Variants in KIAA1217 observed in about 807,000 individuals in gnomAD.
KIAA1217 encodes KIAA1217, also known as sickle tail protein homolog.
Under a neutral mutation model 163.9 loss-of-function variants are expected in KIAA1217, and 88 were observed. The ratio of observed to expected loss-of-function variants is 0.54; its 90% CI spans 0.45 to 0.64. The LOEUF is 0.64. Among genes scored for constraint, KIAA1217 ranks in the 30% least tolerant of loss-of-function variants. KIAA1217 has a pLI of 0.00. For missense variants in KIAA1217, 2,372 were observed against 2,475.0 expected (o/e 0.96, Z 0.88); for synonymous variants, 903 against 923.1 (o/e 0.98, Z 0.39).
intron 2 of KIAA1217, among the ~76,000 whole-genome samples, chr10:24,308,509 G>A (rs1024183128): frequency 6.6e-6 from 1 of 152,214 alleles, no homozygotes; most frequent in Non-Finnish European, 1.5e-5. Context: ...AACAAGGCAA[G>A]GTCCACTGAA....
At chr10:23,792,442 TA>T (rs1211472775) in intron 1 of KIAA1217, among the ~76,000 whole-genome samples, 1 of 152,072 alleles carries the variant, frequency 6.6e-6, no homozygotes, top group African/African-American at 2.4e-5. Context: ...TGAATGTCAT[TA>T]CTGTTAAAAT....
chr10:24,173,257 T>A (rs2131921160), intron 2 of KIAA1217, among the ~76,000 whole-genome samples: 1 of 152,282 alleles, frequency 6.6e-6, no homozygotes, highest in Non-Finnish European at 1.5e-5. Flanking sequence ...CACCGTCCCC[T>A]ATCACCCCCA....
chr10:23,743,961 G>T (rs575118532), intron 1 of KIAA1217, among the ~76,000 whole-genome samples: 9 of 152,252 alleles, frequency 5.9e-5, no homozygotes, highest in African/African-American at 1.9e-4. Flanking sequence ...TCCTGACAGG[G>T]ATCAGGAAAG....
chr10:24,040,125 C>A (rs1393694254), intron 2 of KIAA1217, among the ~76,000 whole-genome samples: 1 of 152,228 alleles, frequency 6.6e-6, no homozygotes, highest in African/African-American at 2.4e-5. Flanking sequence ...TTCCAGTCAG[C>A]TTCCCAGGCC....
intron 5 of KIAA1217, among the ~76,000 whole-genome samples, chr10:24,460,039 C>T (rs11014097): frequency 0.13 from 19,920 of 152,218 alleles, 1,602 homozygotes; most frequent in East Asian, 0.31. Flanking sequence ...CCTGCTGTGC[C>T]GACTGCGGAG....
At chr10:23,812,097 A>T (rs1015478576) in intron 1 of KIAA1217, among the ~76,000 whole-genome samples, 1 of 152,108 alleles carries the variant, frequency 6.6e-6, no homozygotes, top group African/African-American at 2.4e-5. Flanking sequence ...AACGAAAACA[A>T]ACAAAAAACC....
At chr10:24,189,519 G>C (rs887313587) in intron 2 of KIAA1217, among the ~76,000 whole-genome samples, 2 of 152,138 alleles carry the variant, frequency 1.3e-5, no homozygotes, top group African/African-American at 4.8e-5. Context: ...AGAGGAGAAA[G>C]AGTAATACCT....
chr10:24,133,577 A>C (rs1343460722), intron 2 of KIAA1217, among the ~76,000 whole-genome samples: 1 of 152,072 alleles, frequency 6.6e-6, no homozygotes, highest in East Asian at 1.9e-4. Context: ...GTCTCAAAAA[A>C]AAAAAAAAAA....
chr10:23,801,148 A>T (rs1049882506), intron 1 of KIAA1217, among the ~76,000 whole-genome samples: 1 of 152,190 alleles, frequency 6.6e-6, no homozygotes, highest in African/African-American at 2.4e-5. Context: ...TGCAGCCATA[A>T]AAAAGGATGA....
chr10:24,182,595 G>C (rs1054003323), intron 2 of KIAA1217, among the ~76,000 whole-genome samples: 2 of 152,126 alleles, frequency 1.3e-5, no homozygotes, highest in Non-Finnish European at 2.9e-5. Context: ...TTGGTCCTTT[G>C]GTTGGGGGTA....
intron 2 of KIAA1217, among the ~76,000 whole-genome samples, chr10:24,176,295 C>A (rs1168592958): frequency 6.6e-6 from 1 of 152,096 alleles, no homozygotes; most frequent in Non-Finnish European, 1.5e-5. Context: ...TTCAGCTAGA[C>A]ACAGAGTGCT....
intron 2 of KIAA1217, among the ~76,000 whole-genome samples, chr10:24,240,293 G>A (rs954771520): frequency 6.6e-6 from 1 of 152,192 alleles, no homozygotes; most frequent in South Asian, 2.1e-4. Flanking sequence ...GTGCATGGCA[G>A]CGTGTGAGGT....
At chr10:24,232,508 G>C (rs755888157) in intron 2 of KIAA1217, among the ~76,000 whole-genome samples, 1 of 152,118 alleles carries the variant, frequency 6.6e-6, no homozygotes, top group African/African-American at 2.4e-5. Context: ...GGGAAGTATG[G>C]AAAGGCAAGA....
chr10:24,331,599 C>G (rs1356766417), intron 2 of KIAA1217, among the ~76,000 whole-genome samples: 1 of 152,098 alleles, frequency 6.6e-6, no homozygotes, highest in Non-Finnish European at 1.5e-5. Context: ...AGCTGGGTGG[C>G]CAATAAGAAT....
intron 1 of KIAA1217, among the ~76,000 whole-genome samples, chr10:23,886,038 C>T (rs549778867): frequency 2.2e-4 from 34 of 151,984 alleles, no homozygotes; most frequent in Admixed American, 9.2e-4. Flanking sequence ...AACGTACTTA[C>T]GCGTATTTCC....
At chr10:24,428,168 T>C (rs1037267984) in intron 3 of KIAA1217, among the ~76,000 whole-genome samples, 2 of 152,072 alleles carry the variant, frequency 1.3e-5, no homozygotes, top group African/African-American at 4.8e-5. Flanking sequence ...TACTTAACTG[T>C]AGGGACGCCA....
At chr10:24,400,755 G>A (rs1341383050) in intron 3 of KIAA1217, among the ~76,000 whole-genome samples, 9 of 152,056 alleles carry the variant, frequency 5.9e-5, no homozygotes, top group Admixed American at 5.9e-4. Context: ...CTCACAATCT[G>A]AGGAGAGAAA....
At chr10:24,121,355 G>A (rs779676751) in intron 2 of KIAA1217, among the ~76,000 whole-genome samples, 1 of 152,170 alleles carries the variant, frequency 6.6e-6, no homozygotes, top group Non-Finnish European at 1.5e-5. Context: ...CTTCACCCAT[G>A]TCATGCTTTT....
intron 10 of KIAA1217, among the ~76,000 whole-genome samples, chr10:24,515,098 G>C (rs963636686): frequency 6.6e-6 from 1 of 151,778 alleles, no homozygotes; most frequent in Non-Finnish European, 1.5e-5. Flanking sequence ...TTGGAGTCTT[G>C]CTCTGTTGCC....
Sources: allele counts gnomAD v4.1 joint callset (sites outside exome capture counted in the v4.1 genomes callset), GRCh38; gene constraint gnomAD v4.1.1; transcripts MANE v1.5; gene names NCBI Gene and HGNC (gene_info 2026-07-23, HGNC 2026-07-21).